The following BACH2 variants were observed in gnomAD, a reference collection of about 807,000 sequenced individuals.
BACH2 encodes the protein transcription regulator protein BACH2.
A neutral mutation model predicts 61.8 loss-of-function variants in BACH2; 5 were observed. That is an observed-to-expected ratio of 0.08 (90% confidence interval 0.04 to 0.17). The LOEUF (loss-of-function observed/expected upper bound fraction) is 0.17. BACH2 is among the 10% of genes least tolerant of loss of function. The probability of loss-of-function intolerance (pLI) is 1.00; values close to 1 mark genes in which losing one functional copy is unlikely to be tolerated. For synonymous variants in BACH2, 446 were observed against 440.1 expected (o/e 1.01, Z -0.17); for missense variants, 824 against 1,091.1 (o/e 0.76, Z 3.45).
chr6:90,012,197 C>T (rs1562367776), intron 5 of BACH2, among the ~76,000 whole-genome samples: 1 of 152,164 alleles, frequency 6.6e-6, no homozygotes, highest in South Asian at 2.1e-4. Flanking sequence ...AATCAGCTTG[C>T]CAATTTCTAC....
chr6:90,193,580 G>A (rs192823460), intron 4 of BACH2, among the ~76,000 whole-genome samples: 27 of 152,264 alleles, frequency 1.8e-4, no homozygotes, highest in Non-Finnish European at 3.2e-4. Flanking sequence ...ACAGCAGCCT[G>A]AGCAGACAAA....
intron 1 of BACH2, among the ~76,000 whole-genome samples, chr6:90,283,621 C>T (rs867169374): frequency 7.9e-5 from 12 of 152,100 alleles, no homozygotes; most frequent in African/African-American, 1.9e-4. Flanking sequence ...GTGATCCACC[C>T]GCCTCGACCT....
intron 1 of BACH2, among the ~76,000 whole-genome samples, chr6:90,295,924 A>T: frequency 6.6e-6 from 1 of 152,086 alleles, no homozygotes; most frequent in South Asian, 2.1e-4. Flanking sequence ...GGCGGCTGAC[A>T]GCTGAGCGCA....
At chr6:90,143,885 A>G (rs2127827703) in intron 4 of BACH2, among the ~76,000 whole-genome samples, 1 of 152,242 alleles carries the variant, frequency 6.6e-6, no homozygotes, top group African/African-American at 2.4e-5. Flanking sequence ...ACTCATAATC[A>G]TGAACTCTTC....
At chr6:90,236,539 C>T (rs1221782564) in intron 3 of BACH2, among the ~76,000 whole-genome samples, 3 of 152,166 alleles carry the variant, frequency 2.0e-5, no homozygotes, top group Admixed American at 1.3e-4. Flanking sequence ...CAAAGTCATG[C>T]CATGATGTTT....
At chr6:90,107,302 G>C (rs1782963704) in intron 4 of BACH2, among the ~76,000 whole-genome samples, 1 of 152,016 alleles carries the variant, frequency 6.6e-6, no homozygotes, top group South Asian at 2.1e-4. Context: ...AATCCAGGAA[G>C]CGGAGGTTGC....
intron 6 of BACH2, among the ~76,000 whole-genome samples, chr6:89,995,199 G>T (rs1432645379): frequency 6.6e-6 from 1 of 152,072 alleles, no homozygotes; most frequent in African/African-American, 2.4e-5. Flanking sequence ...AAGAAATCAG[G>T]CCTGCAAGAA....
chr6:89,978,429 A>G (rs1042084258), intron 6 of BACH2, among the ~76,000 whole-genome samples: 4 of 152,202 alleles, frequency 2.6e-5, no homozygotes, highest in African/African-American at 4.8e-5. Context: ...ATGAATGCAA[A>G]TAAGTCCAGG....
At chr6:90,211,631 T>TGTGTGTGC (rs1491202011) in intron 3 of BACH2, among the ~76,000 whole-genome samples, 5 of 141,092 alleles carry the variant, frequency 3.5e-5, no homozygotes, top group East Asian at 4.0e-4. Flanking sequence ...TGTGTGTGTG[T>TGTGTGTGC]GCTCTCCTGA....
At chr6:89,994,198 A>G (rs1303143043) in intron 6 of BACH2, among the ~76,000 whole-genome samples, 1 of 152,176 alleles carries the variant, frequency 6.6e-6, no homozygotes, top group Non-Finnish European at 1.5e-5. Context: ...ACCTTTCCTC[A>G]CACTCCCTGC....
At chr6:90,228,663 C>G (rs1769994605) in intron 3 of BACH2, among the ~76,000 whole-genome samples, 1 of 152,152 alleles carries the variant, frequency 6.6e-6, no homozygotes, top group Non-Finnish European at 1.5e-5. Flanking sequence ...TGCTTGAACC[C>G]AGGAGGTGGA....
chr6:89,979,602 G>T (rs1417796577), intron 6 of BACH2, among the ~76,000 whole-genome samples: 1 of 152,122 alleles, frequency 6.6e-6, no homozygotes, highest in African/African-American at 2.4e-5. Context: ...TTAGAATTAC[G>T]TGTTCCTGCT....
At chr6:89,965,201 G>T (rs1774990043) in intron 6 of BACH2, among the ~76,000 whole-genome samples, 2 of 152,062 alleles carry the variant, frequency 1.3e-5, no homozygotes, top group Non-Finnish European at 1.5e-5. Context: ...TATACTTTTG[G>T]CTCTGCTTGT....
At chr6:90,213,222 T>C (rs1769417213) in intron 3 of BACH2, among the ~76,000 whole-genome samples, 1 of 152,204 alleles carries the variant, frequency 6.6e-6, no homozygotes, top group Non-Finnish European at 1.5e-5. Flanking sequence ...TACTCAGCTC[T>C]AGCCCCAGCA....
intron 6 of BACH2, among the ~76,000 whole-genome samples, chr6:89,967,987 A>T (rs1229422569): frequency 1.3e-5 from 2 of 151,766 alleles, no homozygotes; most frequent in Non-Finnish European, 2.9e-5. Flanking sequence ...CCCCAAATCT[A>T]CTCCCTTTTC....
chr6:90,065,358 T>C (rs555816155), intron 5 of BACH2, among the ~76,000 whole-genome samples: 144 of 135,180 alleles, frequency 1.1e-3, no homozygotes, highest in Non-Finnish European at 1.9e-3. Context: ...TGAGAGAACA[T>C]GTGGAACAGA....
chr6:90,258,749 T>G (rs1771064202), intron 2 of BACH2, among the ~76,000 whole-genome samples: 1 of 152,230 alleles, frequency 6.6e-6, no homozygotes, highest in African/African-American at 2.4e-5. Context: ...TAATGTTTTA[T>G]AGTTTTCAGT....
chr6:90,050,152 T>C (rs1358855340), intron 5 of BACH2, among the ~76,000 whole-genome samples: 1 of 152,206 alleles, frequency 6.6e-6, no homozygotes, highest in Non-Finnish European at 1.5e-5. Flanking sequence ...ATAACATTAA[T>C]AGGTGATTTT....
chr6:90,279,360 T>TA (rs1488673427), intron 1 of BACH2, among the ~76,000 whole-genome samples: 2 of 151,704 alleles, frequency 1.3e-5, no homozygotes, highest in African/African-American at 2.4e-5. Context: ...CCGTCTCTAC[T>TA]AAAAATACAA....
Sources: allele counts gnomAD v4.1 joint callset (sites outside exome capture counted in the v4.1 genomes callset), GRCh38; gene constraint gnomAD v4.1.1; transcripts MANE v1.5; gene names NCBI Gene and HGNC (gene_info 2026-07-23, HGNC 2026-07-21).